The following ARID4A variants were observed in gnomAD, a reference collection of about 807,000 sequenced individuals.
ARID4A encodes AT-rich interactive domain-containing protein 4A.
ARID4A carries 39 observed loss-of-function variants against 148.6 expected under a neutral mutation model. The observed-to-expected ratio is 0.26, with a 90% CI of 0.20 to 0.34. The LOEUF is 0.34. Ranked by LOEUF, ARID4A falls within the 10% of genes least tolerant of loss-of-function variation. The pLI is 1.00. For synonymous variants in ARID4A, 475 were observed against 481.2 expected (o/e 0.99, Z 0.17); for missense variants, 1,265 against 1,449.1 (o/e 0.87, Z 2.06).
chr14:58,310,980 T>A (rs2031985672), intron 5 of ARID4A, among the ~76,000 whole-genome samples: 1 of 152,196 alleles, frequency 6.6e-6, no homozygotes, highest in Non-Finnish European at 1.5e-5. Flanking sequence ...GCACGGTGGC[T>A]CACGCCTGTA....
At chr14:58,324,476 C>G (rs983286328) in intron 8 of ARID4A, among the ~76,000 whole-genome samples, 1 of 152,060 alleles carries the variant, frequency 6.6e-6, no homozygotes, top group South Asian at 2.1e-4. Context: ...GACATGTAGC[C>G]TCATGATGTT....
chr14:58,356,420 C>G (rs2034868178), intron 17 of ARID4A, among the ~76,000 whole-genome samples: 1 of 152,170 alleles, frequency 6.6e-6, no homozygotes, highest in African/African-American at 2.4e-5. Context: ...TCTCTACATA[C>G]TTCCTGATAC....
chr14:58,349,740 A>C (rs540895974), intron 15 of ARID4A, among the ~76,000 whole-genome samples: 44 of 152,098 alleles, frequency 2.9e-4, no homozygotes, highest in African/African-American at 9.4e-4. Context: ...AAATAAAAAC[A>C]GTATTTCTGG....
chr14:58,339,055 T>C (rs1195109137), intron 11 of ARID4A, among the ~76,000 whole-genome samples: 2 of 150,750 alleles, frequency 1.3e-5, no homozygotes, highest in Non-Finnish European at 3.0e-5. Flanking sequence ...GCCTCAACTT[T>C]CCAGGCTCAA....
intron 7 of ARID4A, among the ~76,000 whole-genome samples, chr14:58,319,333 C>T (rs1408117056): frequency 2.6e-5 from 4 of 151,798 alleles, no homozygotes; most frequent in African/African-American, 9.7e-5. Context: ...TCCCAAAGTG[C>T]TAGGATTACA....
At chr14:58,369,357 G>A (rs574110425) in intron 23 of ARID4A, among the ~76,000 whole-genome samples, 4 of 152,130 alleles carry the variant, frequency 2.6e-5, no homozygotes, top group South Asian at 2.1e-4. Flanking sequence ...CTGGCACAGC[G>A]GCTCACGCCT....
intron 5 of ARID4A, among the ~76,000 whole-genome samples, chr14:58,309,824 G>T (rs1031528689): frequency 6.6e-6 from 1 of 152,096 alleles, no homozygotes; most frequent in Non-Finnish European, 1.5e-5. Flanking sequence ...GTACCTTGTA[G>T]TTACTGTTTT....
intron 7 of ARID4A, 23 bp from the exon 8 acceptor site, chr14:58,323,459 AATG>A: frequency 6.3e-7 from 1 of 1,594,128 alleles, no homozygotes; most frequent in African/African-American, 1.3e-5. Flanking sequence ...GTGTTAGGAT[AATG>A]ATCAAGTTAT....
chr14:58,365,805 T>C (rs1381565913), intron 21 of ARID4A, among the ~76,000 whole-genome samples, 183 bp downstream of exon 21: 5 of 152,184 alleles, frequency 3.3e-5, no homozygotes, highest in South Asian at 4.1e-4. Context: ...TTTTAACAAC[T>C]TTAGGAAAGT....
At chr14:58,327,528 G>T (rs565008403) in intron 8 of ARID4A, among the ~76,000 whole-genome samples, 2 of 150,542 alleles carry the variant, frequency 1.3e-5, no homozygotes, top group East Asian at 3.9e-4. Context: ...TTAATGACCA[G>T]ATTTCAAAAA....
At chr14:58,350,738 C>T (rs1035658321) in intron 15 of ARID4A, among the ~76,000 whole-genome samples, 4 of 151,904 alleles carry the variant, frequency 2.6e-5, no homozygotes, top group Admixed American at 2.0e-4. Flanking sequence ...TTATTATAGT[C>T]GAGAAATAAT....
intron 21 of ARID4A, 38 bp from the exon 22 acceptor site, chr14:58,365,986 T>G: frequency 6.6e-7 from 1 of 1,508,754 alleles, no homozygotes; most frequent in Non-Finnish European, 9.0e-7. Context: ...TTAAGAATTT[T>G]ATTTATAATC....
chr14:58,305,949 A>G, intron 4 of ARID4A, 73 bp from the exon 5 acceptor site: 1 of 1,034,280 alleles, frequency 9.7e-7, no homozygotes. Flanking sequence ...TCTTAGCTAG[A>G]TTATATAGTT....
intron 11 of ARID4A, among the ~76,000 whole-genome samples, chr14:58,336,170 G>T (rs899930207): frequency 5.9e-5 from 9 of 152,016 alleles, no homozygotes; most frequent in Non-Finnish European, 7.4e-5. Flanking sequence ...GCAGTATAAT[G>T]TACATTATTT....
At chr14:58,337,337 C>G (rs2033885835) in intron 11 of ARID4A, among the ~76,000 whole-genome samples, 1 of 147,810 alleles carries the variant, frequency 6.8e-6, no homozygotes, top group Non-Finnish European at 1.5e-5. Context: ...CTCTCCTCCT[C>G]TAGACTGTAA....
chr14:58,323,993 C>T (rs1009355331), intron 8 of ARID4A, among the ~76,000 whole-genome samples: 2 of 148,664 alleles, frequency 1.3e-5, no homozygotes, highest in Non-Finnish European at 1.5e-5. Flanking sequence ...CAAGCTCTGC[C>T]TTCCGGGTTC....
At chr14:58,329,911 A>G (rs2033426535) in intron 10 of ARID4A, 92 bp from the exon 11 acceptor site, 1 of 1,512,982 alleles carries the variant, frequency 6.6e-7, no homozygotes, top group Admixed American at 2.4e-5. Flanking sequence ...GCCGAATTTG[A>G]ATTCAGATCT....
Position 58,347,086 on chromosome 14 carries a change from G to A in ARID4A, c.1141G>A (p.Ala381Thr). 1 of 1,584,048 alleles carries A rather than the reference G, an allele frequency of 6.3e-7. No individual in the cohort carries two copies. The highest frequency in any genetic ancestry group is 8.6e-7 in the Non-Finnish European group (1 of 1,165,110). ...TGGCATTCCTATTTTGAATTCAGCT[G>A]CTTCCTACAATGTAAAAACTGCTTA... ...DLGIPILNSA[A>T]SYNVKTAYRK... The change falls in exon 14 of 24, where the codon GCT (alanine) becomes ACT (threonine). Residue 381 changes from alanine (A) to threonine (T), a missense_variant. By Grantham distance (58) the Ala-to-Thr change is moderately conservative. Transcript: ENST00000355431.
chr14:58,353,560 T>TA lies in ARID4A; in HGVS notation c.1656-97dup, dbSNP rs537321366. The TA allele has an allele frequency of 3.8e-4, 395 of 1,028,244 alleles. 2 individuals carry two copies. In the South Asian group the frequency reaches 4.7e-3, roughly 12 times the overall value. The allele number at this position is 1,028,244 out of a possible 1,614,324, so 63.7% of individuals were successfully genotyped here. On this transcript the variant is annotated intron_variant, in intron 16 of 23. Coordinates refer to ENST00000355431, the MANE Select transcript of ARID4A (RefSeq NM_002892.4). ...CTCCACTGATATGTTATTAAGGTAA[T>TA]ACTTAGGTTGTGAATAATCTACCTG...
Sources: gnomAD v4.1 joint callset for allele counts (sites outside exome capture counted in the v4.1 genomes callset) on GRCh38, gnomAD v4.1.1 for gene constraint, MANE v1.5 for transcripts, NCBI Gene and HGNC (gene_info 2026-07-23, HGNC 2026-07-21) for gene names.